Variants in PDCL2 observed in about 807,000 individuals in gnomAD.
PDCL2 encodes phosducin like 2, also known as phosducin-like protein 2.
A neutral mutation model predicts 30.3 loss-of-function variants in PDCL2; 23 were observed. The observed-to-expected ratio is 0.76, with a 90% confidence interval of 0.55 to 1.08. PDCL2 has a LOEUF of 1.08. Among genes scored for constraint, PDCL2 ranks in the 50% least tolerant of loss-of-function variants. PDCL2 has a pLI of 0.00. For missense variants in PDCL2, 243 were observed against 282.3 expected (o/e 0.86, Z 1.00); for synonymous variants, 68 against 86.2 (o/e 0.79, Z 1.17).
Position 55,569,802 on chromosome 4 carries a change from C to T in PDCL2, c.278G>A (p.Arg93Lys). ...CACATACTGATTTCCAGAAATTTCT[C>T]TTAATTCTCCAAATTTTTGTTTTTT... ...LKKKQKFGELREISGNQYVNE... is the reference protein window; with the variant it reads ...LKKKQKFGELKEISGNQYVNE... Residue 93 changes from arginine (R) to lysine (K), a missense_variant, in exon 4 of 6, where the codon AGA becomes AAA. Arg to Lys is a conservative substitution (Grantham distance 26). Transcript: ENST00000295645. 6.4e-7 allele frequency: 1 copy of T among 1,562,606 alleles called. No individual in the cohort carries two copies. Among genetic ancestry groups the T allele is most frequent in the Admixed American group, 1.9e-5 (1 of 52,444 alleles).
chr4:55,568,142 T>C (rs1732319349), intron 4 of PDCL2, among the ~76,000 whole-genome samples: 1 of 152,190 alleles, frequency 6.6e-6, no homozygotes, highest in African/African-American at 2.4e-5. Context: ...GACCTAAAGA[T>C]AAAAACATTT....
intron 1 of PDCL2, among the ~76,000 whole-genome samples, chr4:55,587,216 T>TGAAAAAAAAAAAAAAAAAAAAAAAA (rs1732884389): frequency 1.6e-5 from 1 of 62,820 alleles, no homozygotes; most frequent in African/African-American, 7.5e-5. Flanking sequence ...GACAGAATAG[T>TGAAAAAAAAAAAAAAAAAAAAAAAA]AAAAAAAAAA....
intron 1 of PDCL2, among the ~76,000 whole-genome samples, chr4:55,584,253 G>GTTTTA: frequency 6.6e-6 from 1 of 150,946 alleles, no homozygotes; most frequent in Non-Finnish European, 1.5e-5. Context: ...TGTTGTTGTT[G>GTTTTA]TTTTGTTTTG....
chr4:55,580,684 T>C (rs1732685800), intron 3 of PDCL2, 137 bp downstream of exon 3: 2 of 556,518 alleles, frequency 3.6e-6, no homozygotes, highest in Admixed American at 7.7e-5. Context: ...CCACCTTATA[T>C]AAAGGGAGTT....
chr4:55,568,567 T>C (rs1218049389), intron 4 of PDCL2, among the ~76,000 whole-genome samples: 1 of 152,240 alleles, frequency 6.6e-6, no homozygotes, highest in Non-Finnish European at 1.5e-5. Context: ...GTATTAGGAA[T>C]TACTGTTAAT....
chr4:55,563,622 A>T (rs1408895047), intron 4 of PDCL2, among the ~76,000 whole-genome samples: 1 of 152,244 alleles, frequency 6.6e-6, no homozygotes, highest in Non-Finnish European at 1.5e-5. Context: ...GAAAAGGCAC[A>T]CAAGTTTATT....
chr4:55,572,007 A>G (rs527981890), intron 3 of PDCL2, among the ~76,000 whole-genome samples: 5 of 152,100 alleles, frequency 3.3e-5, no homozygotes, highest in East Asian at 3.9e-4. Context: ...TCTTGTTCCA[A>G]TGATGACACC....
chr4:55,586,782 C>T (rs1293345408), intron 1 of PDCL2, among the ~76,000 whole-genome samples: 1 of 152,106 alleles, frequency 6.6e-6, no homozygotes. Flanking sequence ...TACATTCCCA[C>T]CAGCAATGCA....
intron 5 of PDCL2, among the ~76,000 whole-genome samples, chr4:55,557,058 G>A (rs13138241): frequency 0.34 from 51,356 of 151,956 alleles, 9,378 homozygotes; most frequent in East Asian, 0.58. Flanking sequence ...GGCTGGTCTC[G>A]AACTCCTGAC....
chr4:55,558,047 G>A (rs1441552816), intron 5 of PDCL2, among the ~76,000 whole-genome samples: 1 of 151,186 alleles, frequency 6.6e-6, no homozygotes, highest in Non-Finnish European at 1.5e-5. Flanking sequence ...CTTGAACCCA[G>A]GAGGCAGAGG....
intron 1 of PDCL2, among the ~76,000 whole-genome samples, chr4:55,590,538 G>A (rs1474013285): frequency 6.6e-6 from 1 of 151,058 alleles, no homozygotes; most frequent in Non-Finnish European, 1.5e-5. Flanking sequence ...CCAGGCTGGA[G>A]TGCAGTGGTG....
Position 55,580,803 on chromosome 4 carries a change from C to T in PDCL2, c.218+18G>A, listed in dbSNP as rs936741655. The T allele has an allele frequency of 1.3e-6, 2 of 1,525,580 alleles. No homozygotes were observed. The highest frequency in any genetic ancestry group is 1.8e-6 in the Non-Finnish European group (2 of 1,129,506). 94.5% of individuals were successfully genotyped at this position (1,525,580 alleles called of 1,614,324 possible). On this transcript the variant is annotated intron_variant, in intron 3 of 5. Transcript: ENST00000295645. ...CTTCATTCAAAAATTTATAATTAAC[C>T]CAAATGAATCACTGTACCTATATGT...
rs189887974 is a variant in PDCL2 at position 55,582,647 on chromosome 4, T to C, written c.7-410A>G. On this transcript the variant is annotated intron_variant, in intron 1 of 5. Transcript: ENST00000295645. ...TATACTTTAAGTTCTAGGGTACATG[T>C]GCACAATGTGCAGGTTTGTTACATA... 2.8e-4 allele frequency among the ~76,000 whole-genome samples: 43 copies of C among 152,324 alleles called. No individual in the cohort carries two copies. The East Asian group carries it at 5.6e-3, about 20-fold the overall frequency.
intron 1 of PDCL2, among the ~76,000 whole-genome samples, chr4:55,588,865 CT>C (rs34529316): frequency 2.2e-4 from 32 of 145,324 alleles, no homozygotes; most frequent in Admixed American, 2.1e-4. Context: ...TTTATAAGTA[CT>C]TTTTTTTTTT....
Position 55,556,698 on chromosome 4 carries a change from C to T in PDCL2, c.585G>A (p.Lys195=). Reference sequence around the variant, plus strand: ...TCTGTATTGCTCCAACTTCTGCTAGCTTCCATTCAAGTTCTGTAATAAATA... The same window carrying T: ...TCTGTATTGCTCCAACTTCTGCTAGTTTCCATTCAAGTTCTGTAATAAATA... ...INLKLEELEW[K]LAEVGAIQTD... Residue 195 remains lysine (K), a synonymous_variant, in exon 6 of 6, where the codon AAG becomes AAA. Transcript: ENST00000295645. 2 of 1,550,546 alleles carry T rather than the reference C, an allele frequency of 1.3e-6. No individual in the cohort carries two copies. Among genetic ancestry groups the T allele is most frequent in the East Asian group, 2.4e-5 (1 of 42,410 alleles).
intron 5 of PDCL2, among the ~76,000 whole-genome samples, chr4:55,557,119 T>C (rs1166518074): frequency 6.6e-6 from 1 of 152,210 alleles, no homozygotes. Flanking sequence ...ATTACAGGCG[T>C]GAGCCACCAC....
rs1257832224 is a variant in PDCL2, at chr4:55,562,557, G to T, written c.418C>A (p.Pro140Thr). ...QHLSLLARKF[P>T]ETKFVKAIVN... ...ATGGCTTTAACAAATTTAGTTTCTGGAAACTTTCTTGCTAGAAGACTAAGA... is the reference window on the plus strand; with the variant it reads ...ATGGCTTTAACAAATTTAGTTTCTGTAAACTTTCTTGCTAGAAGACTAAGA... The change falls in exon 5 of 6, where the codon CCA (proline) becomes ACA (threonine). Residue 140 changes from proline (P) to threonine (T), a missense_variant. By Grantham distance (38) the Pro-to-Thr change is conservative. Coordinates refer to ENST00000295645, the MANE Select transcript of PDCL2 (RefSeq NM_152401.3). 1 of 1,605,104 alleles carries T rather than the reference G, an allele frequency of 6.2e-7. No homozygotes were observed.
At chr4:55,575,794 C>T (rs1047337687) in intron 3 of PDCL2, among the ~76,000 whole-genome samples, 32 of 152,232 alleles carry the variant, frequency 2.1e-4, no homozygotes, top group African/African-American at 7.5e-4. Context: ...GAGAAAACAA[C>T]TGTCAAAAGC....
intron 3 of PDCL2, among the ~76,000 whole-genome samples, chr4:55,575,766 A>G (rs536551817): frequency 7.2e-5 from 11 of 152,366 alleles, no homozygotes; most frequent in Admixed American, 1.3e-4. Flanking sequence ...CAGTGAGTTG[A>G]TATTTTTTAA....
Sources: gnomAD v4.1 joint callset for allele counts (sites outside exome capture counted in the v4.1 genomes callset) on GRCh38, gnomAD v4.1.1 for gene constraint, MANE v1.5 for transcripts, NCBI Gene and HGNC (gene_info 2026-07-23, HGNC 2026-07-21) for gene names.